RBFOX1: variants seen among roughly 807,000 people sequenced by gnomAD.
RBFOX1 encodes RNA binding fox-1 homolog 1.
Under a neutral mutation model 57.7 loss-of-function variants are expected in RBFOX1, and 8 were observed. That is an observed-to-expected ratio of 0.14 (90% CI 0.08 to 0.25). RBFOX1 has a LOEUF of 0.25. Ranked by LOEUF, RBFOX1 falls within the 10% of genes least tolerant of loss-of-function variation. The probability of loss-of-function intolerance (pLI) is 1.00; values close to 1 mark genes in which losing one functional copy is unlikely to be tolerated. For synonymous variants in RBFOX1, 326 were observed against 222.4 expected (o/e 1.47, Z -4.15); for missense variants, 611 against 548.5 (o/e 1.11, Z -1.14).
chr16:6,869,731 G>C (rs555562164), intron 3 of RBFOX1, among the ~76,000 whole-genome samples: 1 of 152,158 alleles, frequency 6.6e-6, no homozygotes. Flanking sequence ...CTAGAGAACC[G>C]TGTTGACTGA....
At chr16:6,483,125 C>T in intron 2 of RBFOX1, 2 of 1,042,182 alleles carry the variant, frequency 1.9e-6, no homozygotes, top group Non-Finnish European at 2.3e-6. Context: ...GTATCCACTG[C>T]CTTCCCCCAG....
At chr16:5,959,349 G>A (rs1284434830) in intron 4 of RBFOX1, among the ~76,000 whole-genome samples, 1 of 152,142 alleles carries the variant, frequency 6.6e-6, no homozygotes, top group Admixed American at 6.6e-5. Flanking sequence ...TTGTCTGTCT[G>A]GAGAGATTTC....
At chr16:5,510,298 C>T (rs2043537328) in intron 2 of RBFOX1, among the ~76,000 whole-genome samples, 1 of 152,314 alleles carries the variant, frequency 6.6e-6, no homozygotes, top group South Asian at 2.1e-4. Context: ...TTCAGCAGAT[C>T]TTGCCTGGGG....
At chr16:6,146,799 C>G in intron 1 of RBFOX1, among the ~76,000 whole-genome samples, 1 of 152,168 alleles carries the variant, frequency 6.6e-6, no homozygotes, top group Middle Eastern at 3.2e-3. Context: ...TGAGCATCGT[C>G]TAAGTACTGT....
At chr16:7,692,091 C>T (rs73496960) in intron 14 of RBFOX1, among the ~76,000 whole-genome samples, 3 of 152,064 alleles carry the variant, frequency 2.0e-5, no homozygotes, top group South Asian at 2.1e-4. Flanking sequence ...CATAGGGAAT[C>T]TGGGGCCAGA....
At chr16:6,059,516 A>G (rs549876413) in intron 1 of RBFOX1, among the ~76,000 whole-genome samples, 12 of 152,254 alleles carry the variant, frequency 7.9e-5, no homozygotes, top group African/African-American at 2.2e-4. Context: ...GTATATTTAA[A>G]TGTATTTTTA....
At chr16:7,206,888 A>C (rs192819050) in intron 4 of RBFOX1, among the ~76,000 whole-genome samples, 1 of 152,280 alleles carries the variant, frequency 6.6e-6, no homozygotes, top group East Asian at 1.9e-4. Flanking sequence ...AAACCGTCTT[A>C]ACTTGAAACA....
intron 2 of RBFOX1, among the ~76,000 whole-genome samples, chr16:5,553,827 AG>A (rs1178766700): frequency 6.6e-6 from 1 of 151,420 alleles, no homozygotes; most frequent in Non-Finnish European, 1.5e-5. Context: ...ATATAATTAA[AG>A]GTCAACAAAA....
intron 2 of RBFOX1, among the ~76,000 whole-genome samples, chr16:5,534,997 G>A (rs1036200242): frequency 1.3e-5 from 2 of 152,288 alleles, no homozygotes; most frequent in Middle Eastern, 3.4e-3. Flanking sequence ...AGTTCTGCAT[G>A]CCTGGGAAAT....
At chr16:6,685,267 GTTTTTC>G (rs768741593) in intron 3 of RBFOX1, among the ~76,000 whole-genome samples, 3 of 115,972 alleles carry the variant, frequency 2.6e-5, no homozygotes, top group African/African-American at 9.3e-5. Flanking sequence ...GAGAGGGAGA[GTTTTTC>G]TTTTTTTTTT....
chr16:6,521,726 A>C (rs2096503079), intron 2 of RBFOX1, among the ~76,000 whole-genome samples: 1 of 152,172 alleles, frequency 6.6e-6, no homozygotes, highest in Admixed American at 6.5e-5. Flanking sequence ...AAAAAATTGC[A>C]AAATTTCTGG....
chr16:5,294,940 G>T (rs1350646723), intron 1 of RBFOX1, among the ~76,000 whole-genome samples: 1 of 147,892 alleles, frequency 6.8e-6, no homozygotes, highest in African/African-American at 2.5e-5. Context: ...TGAGGCTGGA[G>T]AATCCCTTGA....
intron 14 of RBFOX1, among the ~76,000 whole-genome samples, chr16:7,706,653 A>G (rs1222702668): frequency 6.6e-6 from 1 of 152,118 alleles, no homozygotes. Flanking sequence ...TCACTTAACA[A>G]ACTCTCAAGG....
chr16:5,648,892 C>T (rs902770525), intron 3 of RBFOX1, among the ~76,000 whole-genome samples: 1 of 151,922 alleles, frequency 6.6e-6, no homozygotes, highest in East Asian at 2.0e-4. Flanking sequence ...GGTGAAACCC[C>T]ATGTCTACTA....
chr16:5,609,005 A>G (rs889290213), intron 3 of RBFOX1, among the ~76,000 whole-genome samples: 2 of 152,216 alleles, frequency 1.3e-5, no homozygotes, highest in Admixed American at 1.3e-4. Context: ...TTGATGTTTG[A>G]TAACTACAAA....
intron 4 of RBFOX1, among the ~76,000 whole-genome samples, chr16:5,938,756 T>A (rs1465699538): frequency 6.6e-6 from 1 of 152,136 alleles, no homozygotes; most frequent in African/African-American, 2.4e-5. Context: ...AAACAGTCAT[T>A]TTGGTTACCT....
At chr16:7,495,235 T>A (rs2068234580) in intron 4 of RBFOX1, among the ~76,000 whole-genome samples, 1 of 152,242 alleles carries the variant, frequency 6.6e-6, no homozygotes, top group South Asian at 2.1e-4. Context: ...ACACCTAGGC[T>A]AATTCCATGT....
intron 2 of RBFOX1, among the ~76,000 whole-genome samples, chr16:6,380,225 C>T (rs2091650786): frequency 6.6e-6 from 1 of 151,834 alleles, no homozygotes; most frequent in South Asian, 2.1e-4. Context: ...TTATTGGGTG[C>T]CTTCTGTGCT....
chr16:6,843,617 AGGT>A (rs1353143156), intron 3 of RBFOX1, among the ~76,000 whole-genome samples: 1 of 152,174 alleles, frequency 6.6e-6, no homozygotes, highest in Non-Finnish European at 1.5e-5. Context: ...TGAACCCAGG[AGGT>A]GGAGCTTGCA....
Sources: gnomAD v4.1 joint callset for allele counts (sites outside exome capture counted in the v4.1 genomes callset) on GRCh38, gnomAD v4.1.1 for gene constraint, MANE v1.5 for transcripts, NCBI Gene and HGNC (gene_info 2026-07-23, HGNC 2026-07-21) for gene names.